The following PHF20L1 variants were observed in gnomAD, a reference collection of about 807,000 sequenced individuals.
PHF20L1 encodes PHD finger protein 20 like 1.
PHF20L1 carries 44 observed loss-of-function variants against 125.5 expected under a neutral mutation model. The ratio of observed to expected loss-of-function variants is 0.35; its 90% CI spans 0.28 to 0.45. The LOEUF (loss-of-function observed/expected upper bound fraction) is 0.45. Among genes scored for constraint, PHF20L1 ranks in the 20% least tolerant of loss-of-function variants. PHF20L1 has a pLI of 1.00. For synonymous variants in PHF20L1, 380 were observed against 403.1 expected (o/e 0.94, Z 0.69); for missense variants, 1,012 against 1,217.2 (o/e 0.83, Z 2.51).
At chr8:132,792,964 C>CTTTT (rs370724463) in intron 2 of PHF20L1, among the ~76,000 whole-genome samples, 4 of 129,640 alleles carry the variant, frequency 3.1e-5, no homozygotes, top group Non-Finnish European at 4.8e-5. Flanking sequence ...CCCCTTTTTT[C>CTTTT]TTTTTTTTTT....
At chr8:132,833,232 T>C (rs1012055943) in intron 15 of PHF20L1, among the ~76,000 whole-genome samples, 5 of 152,090 alleles carry the variant, frequency 3.3e-5, no homozygotes, top group African/African-American at 1.2e-4. Flanking sequence ...TTCTTTCTTC[T>C]GACTGACCTC....
rs942890353 is a variant in PHF20L1, at chr8:132,847,248, G to A, written c.*1325G>A. The A allele has an allele frequency of 2.0e-5, 3 of 152,612 alleles. No individual in the cohort carries two copies. Among genetic ancestry groups the A allele is most frequent in the African/African-American group, 2.4e-5 (1 of 41,540 alleles). The allele number at this position is 152,612 out of a possible 1,614,324, so 9.5% of individuals were successfully genotyped here. A position where few individuals can be genotyped will look rare whatever the true frequency, so the allele number is the denominator to read the frequency against. ...CTAGTTTTATTACTATAGACTATACGAATTGGTGGTTAACATGAAATGTTA... is the reference window on the plus strand; with the variant it reads ...CTAGTTTTATTACTATAGACTATACAAATTGGTGGTTAACATGAAATGTTA... On this transcript the variant is annotated 3_prime_UTR_variant, in exon 21 of 21. Transcript: ENST00000395386.
chr8:132,784,719 T>G (rs1830817348), intron 2 of PHF20L1, among the ~76,000 whole-genome samples: 1 of 152,222 alleles, frequency 6.6e-6, no homozygotes, highest in Non-Finnish European at 1.5e-5. Context: ...GCTCCCAATA[T>G]AGTGATCTCT....
intron 16 of PHF20L1, 70 bp from the exon 17 acceptor site, chr8:132,837,642 C>G: frequency 8.4e-7 from 1 of 1,195,438 alleles, no homozygotes; most frequent in Admixed American, 1.7e-5. Context: ...AAAGAAAGGG[C>G]ATGTATCCTT....
rs2131941875 is a variant in PHF20L1, at chr8:132,842,530, T to C, written c.2403T>C (p.Pro801=). 2 of 1,603,256 alleles carry C rather than the reference T, an allele frequency of 1.2e-6. No individual in the cohort carries two copies. Among genetic ancestry groups the C allele is most frequent in the Non-Finnish European group, 1.7e-6 (2 of 1,176,928 alleles). Residue 801 remains proline, a synonymous_variant, in exon 19 of 21, where the codon CCT becomes CCC. Transcript: ENST00000395386. ...TTGTTTTAAGGAATAAACATCATCC[T>C]GACCTTCATCTCTGGGCTTGTTCCG... ...KIGILKNKHH[P]DLHLWACSGK... is the part of the protein sequence containing the mutation.
chr8:132,783,757 C>T (rs1586849593), intron 2 of PHF20L1, among the ~76,000 whole-genome samples: 1 of 151,994 alleles, frequency 6.6e-6, no homozygotes, highest in Admixed American at 6.6e-5. Flanking sequence ...CTTTGAAAAC[C>T]AATGCCAGCT....
chr8:132,844,285 A>T lies in PHF20L1; in HGVS notation c.2878A>T (p.Ser960Cys). Residue 960 changes from serine (S) to cysteine (C), a missense_variant, in exon 20 of 21, where the codon AGC becomes TGC. Ser to Cys is a moderately radical substitution (Grantham distance 112). Around this residue, in one of 7 missense-constraint regions of PHF20L1, gnomAD observed 277 missense variants for 283.6 expected, o/e 0.98. Transcript: ENST00000395386. ...HIENVQNEVT[S>C]RMDLIEKEVD... ...AGAAAATGTGCAGAACGAAGTTACC[A>T]GCAGGATGGACCTAATAGAAAAAGA... 1 of 1,612,598 alleles carries T rather than the reference A, an allele frequency of 6.2e-7. No homozygotes were observed. Among genetic ancestry groups the T allele is most frequent in the Non-Finnish European group, 8.5e-7 (1 of 1,178,964 alleles).
chr8:132,842,624 C>T lies in PHF20L1; in HGVS notation c.2497C>T (p.Arg833Ter). 1 of 1,612,884 alleles carries T rather than the reference C, an allele frequency of 6.2e-7. No individual in the cohort carries two copies. The highest frequency in any genetic ancestry group is 8.5e-7 in the Non-Finnish European group (1 of 1,179,504). Residue 833 changes from arginine to a stop codon, truncating the protein, a stop_gained, in exon 19 of 21, where the codon CGA (arginine) becomes TGA (stop). Coordinates refer to ENST00000395386, the MANE Select transcript of PHF20L1 (RefSeq NM_016018.5). LOFTEE classifies it high-confidence loss of function. ...EKKIAQDTVN[R>*]EEKKYVQNHK... ...AAAAATAGCTCAAGACACAGTTAAT[C>T]GAGAAGAAAAGAAATATGTACAGAA...
chr8:132,842,777 G>C lies in PHF20L1; in HGVS notation c.2650G>C (p.Asp884His). 6.2e-7 allele frequency: 1 copy of C among 1,613,386 alleles called. No homozygotes were observed. The highest frequency in any genetic ancestry group is 8.5e-7 in the Non-Finnish European group (1 of 1,179,542). Residue 884 changes from aspartate (D) to histidine (H), a missense_variant, in exon 19 of 21, where the codon GAT (aspartate) becomes CAT (histidine). Physicochemically the swap from Asp to His is moderately conservative, Grantham distance 81 (BLOSUM62 -1). This residue lies in a region of PHF20L1 where 277 missense variants were observed against 283.6 expected (regional missense o/e 0.98). Coordinates refer to ENST00000395386, the MANE Select transcript of PHF20L1 (RefSeq NM_016018.5). Reference sequence around the variant, plus strand: ...TCTCGCAGACCCTGGGAGCTCAGATGATGATGATGTTAGTAGTTTGGAAGA... The same window carrying C: ...TCTCGCAGACCCTGGGAGCTCAGATCATGATGATGTTAGTAGTTTGGAAGA... ...KSLADPGSSD[D>H]DDVSSLEEEQ...
At chr8:132,815,206 A>C (rs1834824421) in intron 10 of PHF20L1, 1 of 179,188 alleles carries the variant, frequency 5.6e-6, no homozygotes, top group South Asian at 1.9e-4. Context: ...AAAAAGACCC[A>C]GGATAGCTAT....
intron 12 of PHF20L1, among the ~76,000 whole-genome samples, chr8:132,821,640 A>G (rs1025895756): frequency 6.6e-6 from 1 of 151,892 alleles, no homozygotes; most frequent in Admixed American, 6.6e-5. Context: ...AGTCTCAGGG[A>G]TTGCCTCTCT....
At chr8:132,782,632 G>A (rs1001819592) in intron 2 of PHF20L1, among the ~76,000 whole-genome samples, 1 of 151,932 alleles carries the variant, frequency 6.6e-6, no homozygotes, top group African/African-American at 2.4e-5. Context: ...CCAGGCTGCA[G>A]TGCAGTCACG....
chr8:132,828,831 G>A (rs1282018393), intron 14 of PHF20L1, among the ~76,000 whole-genome samples: 1 of 152,008 alleles, frequency 6.6e-6, no homozygotes, highest in Non-Finnish European at 1.5e-5. Context: ...AAGAAATAGA[G>A]TTAGAAGTGA....
Position 132,777,821 on chromosome 8 carries a change from AT to A in PHF20L1, c.-7del. The A allele has an allele frequency of 6.3e-7, 1 of 1,596,996 alleles. No homozygotes were observed. The highest frequency in any genetic ancestry group is 8.6e-7 in the Non-Finnish European group (1 of 1,164,722). On this transcript the variant is annotated 5_prime_UTR_variant, in exon 2 of 21. Transcript: ENST00000395386. The stretch of plus-strand genomic sequence containing the variant: ...TGAAAAGAGAATACTGAAGAATAGG[AT>A]CTCAAGATGAGTAAAAAGCCCCCAA...
chr8:132,807,552 G>C (rs1833874747), intron 8 of PHF20L1: 1 of 352,628 alleles, frequency 2.8e-6, no homozygotes, highest in Admixed American at 3.9e-5. Flanking sequence ...CCAGTAGTAT[G>C]TTATTGATAA....
At chr8:132,841,182 T>C (rs1052614340) in intron 18 of PHF20L1, among the ~76,000 whole-genome samples, 2 of 152,090 alleles carry the variant, frequency 1.3e-5, no homozygotes, top group Non-Finnish European at 2.9e-5. Flanking sequence ...AATCATAATA[T>C]CTGTTAGTAT....
In PHF20L1 at chr8:132,811,534, AGACT is replaced by A. The variant is rs557970820; in HGVS notation, c.930+411_930+414del. 763 of 987,496 alleles carry A rather than the reference AGACT, an allele frequency of 7.7e-4. 1 individual carries two copies. Among genetic ancestry groups the A allele is most frequent in the Non-Finnish European group, 8.3e-4 (688 of 830,564 alleles). 61.2% of individuals were successfully genotyped at this position (987,496 alleles called of 1,614,324 possible). A position where few individuals can be genotyped will look rare whatever the true frequency, so the allele number is the denominator to read the frequency against. On this transcript the variant is annotated intron_variant, in intron 9 of 20. Coordinates refer to ENST00000395386, the MANE Select transcript of PHF20L1 (RefSeq NM_016018.5). ...TTATATTGTAACAATTGGTGTTGTT[AGACT>A]GACTATGTGTTTTATGAATTGATCA...
At position 132,778,013 on chromosome 8, in the gene PHF20L1, T is replaced by C. The variant is rs1057208068; in HGVS notation, c.83+102T>C. On this transcript the variant is annotated intron_variant, in intron 2 of 20. Coordinates refer to ENST00000395386, the MANE Select transcript of PHF20L1 (RefSeq NM_016018.5). ...CCACTGATGGTAGCAGAAACATCAG[T>C]GTATTCACATTTCGATTACACATAT... is the stretch of plus-strand genomic sequence containing the variant. 7 of 729,920 alleles carry C rather than the reference T, an allele frequency of 9.6e-6. No individual in the cohort carries two copies. In the African/African-American group the frequency reaches 1.2e-4, roughly 13 times the overall value. 45.2% of individuals were successfully genotyped at this position (729,920 alleles called of 1,614,324 possible). A position where few individuals can be genotyped will look rare whatever the true frequency, so the allele number is the denominator to read the frequency against.
At chr8:132,819,467 T>C (rs1835337996) in intron 12 of PHF20L1, among the ~76,000 whole-genome samples, 1 of 151,822 alleles carries the variant, frequency 6.6e-6, no homozygotes, top group African/African-American at 2.4e-5. Flanking sequence ...AGGAAAGTAG[T>C]GCAATTTAGG....
Sources: allele counts gnomAD v4.1 joint callset (sites outside exome capture counted in the v4.1 genomes callset), GRCh38; gene constraint gnomAD v4.1.1; regional missense constraint gnomAD v4.1.1; transcripts MANE v1.5; gene names NCBI Gene and HGNC (gene_info 2026-07-23, HGNC 2026-07-21).